The following BAZ2A variants were observed in gnomAD, a reference collection of about 807,000 sequenced individuals.
BAZ2A encodes the protein bromodomain adjacent to zinc finger domain protein 2A.
A neutral mutation model predicts 199.9 loss-of-function variants in BAZ2A; 34 were observed. That is an observed-to-expected ratio of 0.17 (90% CI 0.13 to 0.23). The LOEUF (loss-of-function observed/expected upper bound fraction) is 0.23. Ranked by LOEUF, BAZ2A falls within the 10% of genes least tolerant of loss-of-function variation. The pLI is 1.00. For missense variants in BAZ2A, 2,002 were observed against 2,391.1 expected (o/e 0.84, Z 3.39); for synonymous variants, 857 against 883.9 (o/e 0.97, Z 0.54).
intron 21 of BAZ2A, 25 bp downstream of exon 21, chr12:56,601,155 A>C: frequency 6.2e-7 from 1 of 1,613,984 alleles, no homozygotes; most frequent in South Asian, 1.1e-5. Context: ...CCCACACCGG[A>C]TGCCCTCACT....
At chr12:56,617,737 T>C (rs1173864193) in intron 1 of BAZ2A, among the ~76,000 whole-genome samples, 1 of 152,148 alleles carries the variant, frequency 6.6e-6, no homozygotes, top group Non-Finnish European at 1.5e-5. Flanking sequence ...AAAACAGTCT[T>C]TTAAAGCCAG....
Position 56,598,765 on chromosome 12 carries a change from C to A in BAZ2A, c.5565G>T (p.Glu1855Asp), listed in dbSNP as rs748026733. Residue 1855 changes from glutamate to aspartate, a missense_variant, in exon 29 of 29, where the codon GAG becomes GAT. Coordinates refer to ENST00000549884, the MANE Select transcript of BAZ2A (RefSeq NM_001300905.2). ...LLRGGYTSSEEFAADALLVFD... is the reference protein window; with the variant it reads ...LLRGGYTSSEDFAADALLVFD... ...ATACCAGGAGGGCATCAGCCGCAAACTCCTCTGAGCTGGTGTACCTGGACA... is the reference window on the plus strand; with the variant it reads ...ATACCAGGAGGGCATCAGCCGCAAAATCCTCTGAGCTGGTGTACCTGGACA... 3 of 1,612,158 alleles carry A rather than the reference C, an allele frequency of 1.9e-6. No homozygotes were observed. The highest frequency in any genetic ancestry group is 1.7e-5 in the Admixed American group (1 of 59,662).
chr12:56,618,071 T>C (rs1317761746), intron 1 of BAZ2A, among the ~76,000 whole-genome samples: 2 of 152,216 alleles, frequency 1.3e-5, no homozygotes, highest in East Asian at 3.8e-4. Flanking sequence ...AAGATAGTAG[T>C]TACATTAGTA....
chr12:56,605,302 G>C lies in BAZ2A; in HGVS notation c.2519C>G (p.Pro840Arg), dbSNP rs748687559. ...HQPLPDFSRV[P>R]GLTLPSGAFS... ...GGCTCCACTGGGCAATGTCAGACCA[G>C]GGACTCGTGAGAAGTCAGGCAGGGG... The change falls in exon 14 of 29, where the codon CCT becomes CGT. Residue 840 changes from proline to arginine, a missense_variant. By Grantham distance (103) the Pro-to-Arg change is moderately radical. Around this residue, in one of 6 missense-constraint regions of BAZ2A, gnomAD observed 1,081 missense variants for 1,274.7 expected, o/e 0.85. Transcript: ENST00000549884. 1 of 1,613,132 alleles carries C rather than the reference G, an allele frequency of 6.2e-7. No homozygotes were observed. The highest frequency in any genetic ancestry group is 8.5e-7 in the Non-Finnish European group (1 of 1,179,330).
Position 56,635,702 on chromosome 12 carries a change from G to A in BAZ2A, c.4+480C>T, listed in dbSNP as rs1419028309. On this transcript the variant is annotated intron_variant, in intron 1 of 29. Coordinates refer to the BAZ2A transcript ENST00000379441. This position sits in a 1 kb window ranked among gnomAD's most constrained non-coding sequence, Gnocchi z 4.1. ...TCAGTCTCTGGGGCAACAGGAAGCA[G>A]CTGCTCAGTGCAGCCCCCACCTGAA... Among the ~76,000 whole-genome samples, 1 of 152,144 alleles carries A rather than the reference G, an allele frequency of 6.6e-6. No individual in the cohort carries two copies. The highest frequency in any genetic ancestry group is 1.5e-5 in the Non-Finnish European group (1 of 68,034).
chr12:56,602,921 C>T, intron 18 of BAZ2A, 64 bp from the exon 19 acceptor site: 1 of 1,518,232 alleles, frequency 6.6e-7, no homozygotes. Flanking sequence ...GTGAATTCAT[C>T]CAGTATATCA....
intron 1 of BAZ2A, chr12:56,621,349 T>C (rs12321649): frequency 0.038 from 30,723 of 811,794 alleles, 3,538 homozygotes; most frequent in African/African-American, 0.35. Flanking sequence ...GGGAAGTTAT[T>C]TAGTATGTGA....
At chr12:56,608,401 C>G (rs1401793490) in intron 10 of BAZ2A, among the ~76,000 whole-genome samples, 2 of 151,464 alleles carry the variant, frequency 1.3e-5, no homozygotes, top group East Asian at 1.9e-4. Context: ...GAGACTTGTT[C>G]TAGGTCATTT....
At chr12:56,628,219 A>G (rs960438041) in intron 1 of BAZ2A, among the ~76,000 whole-genome samples, 6 of 151,004 alleles carry the variant, frequency 4.0e-5, no homozygotes, top group African/African-American at 1.5e-4. Flanking sequence ...AAAAAAAAAG[A>G]AAAGAAAAAG....
upstream of BAZ2A, among the ~76,000 whole-genome samples, chr12:56,633,057 C>T (rs966899199): frequency 6.6e-6 from 1 of 152,094 alleles, no homozygotes; most frequent in Non-Finnish European, 1.5e-5. Context: ...AGGAGAGTCT[C>T]CAGGGAATAG....
At chr12:56,621,315 A>G (rs1950915063) in intron 1 of BAZ2A, 1 of 933,966 alleles carries the variant, frequency 1.1e-6, no homozygotes. Flanking sequence ...GATGGCTCAC[A>G]GAAATCAGAG....
At position 56,596,901 on chromosome 12, in the gene BAZ2A, C is replaced by G. The variant is rs1358166134; in HGVS notation, c.*1717G>C. On this transcript the variant is annotated 3_prime_UTR_variant, in exon 29 of 29. Coordinates refer to ENST00000549884, the MANE Select transcript of BAZ2A (RefSeq NM_001300905.2). ...TGCCCCAGGACCTACACTGCCCCTA[C>G]CCCCTTCAGTGGCTCTTCAGTGCTG... is the stretch of plus-strand genomic sequence containing the variant. 2 of 152,462 alleles carry G rather than the reference C, an allele frequency of 1.3e-5. No individual in the cohort carries two copies. The highest frequency in any genetic ancestry group is 4.8e-5 in the African/African-American group (2 of 41,416). 9.4% of individuals were successfully genotyped at this position (152,462 alleles called of 1,614,324 possible). A position where few individuals can be genotyped will look rare whatever the true frequency, so the allele number is the denominator to read the frequency against.
intron 15 of BAZ2A, 37 bp from the exon 16 acceptor site, chr12:56,604,328 C>CA (rs1950277818): frequency 1.9e-5 from 29 of 1,566,900 alleles, no homozygotes; most frequent in Non-Finnish European, 2.3e-5. Context: ...AGTGGCAGCA[C>CA]AAAAAAAGGG....
At chr12:56,629,167 C>A (rs896095301) in intron 1 of BAZ2A, among the ~76,000 whole-genome samples, 1 of 152,158 alleles carries the variant, frequency 6.6e-6, no homozygotes, top group African/African-American at 2.4e-5. Context: ...GCAGCAAACG[C>A]ACAGCTGCCA....
intron 10 of BAZ2A, among the ~76,000 whole-genome samples, chr12:56,609,047 G>A (rs1380646653): frequency 2.0e-5 from 3 of 149,820 alleles, no homozygotes; most frequent in Non-Finnish European, 4.4e-5. Context: ...CTAATTTTTT[G>A]TTTTGTATTT....
At position 56,613,157 on chromosome 12, in the gene BAZ2A, G is replaced by A. The variant is rs755420505; in HGVS notation, c.993C>T (p.Asp331=). The A allele has an allele frequency of 3.1e-6, 5 of 1,614,006 alleles. No homozygotes were observed. The highest frequency in any genetic ancestry group is 2.2e-5 in the East Asian group (1 of 44,884). Residue 331 remains aspartate, a synonymous_variant, in exon 5 of 29, where the codon GAC becomes GAT. Transcript: ENST00000549884. ...MGAEDKLPLE[D]SPVISALDCP... is the part of the protein sequence containing the mutation. ...AATCAAGGGCAGAAATCACAGGGCT[G>A]TCCTCAAGAGGCAGCTTGTCCTCTG...
Position 56,598,288 on chromosome 12 carries a change from C to T in BAZ2A, c.*330G>A. On this transcript the variant is annotated 3_prime_UTR_variant, in exon 29 of 29. Coordinates refer to ENST00000549884, the MANE Select transcript of BAZ2A (RefSeq NM_001300905.2). ...GGCACGTACAGGGGAGGAGAGGAAG[C>T]AGGGAGGAGGAAGTAGGGACGACTT... 3.5e-6 allele frequency: 1 copy of T among 285,576 alleles called. No individual in the cohort carries two copies. 17.7% of individuals were successfully genotyped at this position (285,576 alleles called of 1,614,324 possible). A position where few individuals can be genotyped will look rare whatever the true frequency, so the allele number is the denominator to read the frequency against.
intron 1 of BAZ2A, chr12:56,620,989 G>C (rs940291709): frequency 2.4e-6 from 2 of 845,556 alleles, no homozygotes; most frequent in South Asian, 5.4e-5. Flanking sequence ...TCTCCAGTTA[G>C]GTTCCTTCCA....
chr12:56,614,506 G>A (rs1461065827), intron 3 of BAZ2A, among the ~76,000 whole-genome samples: 5 of 152,196 alleles, frequency 3.3e-5, no homozygotes, highest in African/African-American at 1.2e-4. Context: ...GGGAAAAGAT[G>A]AGAGGGGCTG....
Sources: allele counts gnomAD v4.1 joint callset (sites outside exome capture counted in the v4.1 genomes callset), GRCh38; gene constraint gnomAD v4.1.1; regional missense constraint gnomAD v4.1.1; non-coding constraint Gnocchi (gnomAD v3.1); transcripts MANE v1.5; gene names NCBI Gene and HGNC (gene_info 2026-07-23, HGNC 2026-07-21).